Variants in CCT6B observed in about 807,000 individuals in gnomAD.
The protein encoded by CCT6B is probable T-complex protein 1 subunit zeta-2.
Under a neutral mutation model 61.5 loss-of-function variants are expected in CCT6B, and 49 were observed. The ratio of observed to expected loss-of-function variants is 0.80; its 90% CI spans 0.63 to 1.01. The LOEUF is 1.01. CCT6B is among the 50% of genes least tolerant of loss of function. CCT6B has a pLI of 0.00. For synonymous variants in CCT6B, 228 were observed against 214.5 expected (o/e 1.06, Z -0.55); for missense variants, 666 against 634.7 (o/e 1.05, Z -0.53).
intron 3 of CCT6B, 81 bp from the exon 4 acceptor site, chr17:34,954,680 CAA>C: frequency 8.6e-7 from 1 of 1,163,754 alleles, no homozygotes; most frequent in Admixed American, 2.9e-5. Context: ...TTATTATGTT[CAA>C]AAAAAGTTAC....
intron 7 of CCT6B, among the ~76,000 whole-genome samples, chr17:34,941,776 T>C (rs780472555): frequency 9.2e-5 from 14 of 152,262 alleles, no homozygotes; most frequent in Non-Finnish European, 1.9e-4. Context: ...TAGAAGAGCT[T>C]TGAAGTTCCC....
chr17:34,938,251 G>A (rs2090116941), intron 10 of CCT6B, among the ~76,000 whole-genome samples: 1 of 152,004 alleles, frequency 6.6e-6, no homozygotes, highest in African/African-American at 2.4e-5. Flanking sequence ...ATATACAAAG[G>A]GCAAATAAAC....
rs778673984 is a variant in CCT6B at position 34,958,580 on chromosome 17, CTTGTT to C, written c.311_315del (p.Lys104SerfsTer2). 1.3e-6 allele frequency: 2 copies of C among 1,573,050 alleles called. No homozygotes were observed. Among genetic ancestry groups the C allele is most frequent in the Admixed American group, 3.6e-5 (2 of 55,868 alleles). On this transcript the variant is annotated frameshift_variant, in exon 3 of 14. Transcript: ENST00000314144. LOFTEE classifies it high-confidence loss of function. ...AATACCTCAGAAATGTACAGGTCAG[CTTGTT>C]TTAATAACTCTCCAATAATTAGAAC...
intron 4 of CCT6B, among the ~76,000 whole-genome samples, chr17:34,952,593 C>T (rs2090303988): frequency 6.6e-6 from 1 of 152,084 alleles, no homozygotes; most frequent in Non-Finnish European, 1.5e-5. Context: ...TAATGTTTTC[C>T]CCCAAAATTG....
At chr17:34,960,620 TTC>T (rs1188375577) in intron 1 of CCT6B, among the ~76,000 whole-genome samples, 1 of 152,208 alleles carries the variant, frequency 6.6e-6, no homozygotes, top group Non-Finnish European at 1.5e-5. Context: ...TCTTGATCAT[TTC>T]TGTGTCCCAA....
intron 1 of CCT6B, among the ~76,000 whole-genome samples, chr17:34,960,995 C>G (rs1435888057): frequency 2.6e-5 from 4 of 152,234 alleles, no homozygotes; most frequent in Non-Finnish European, 4.4e-5. Context: ...ACTAAATTAA[C>G]TGACTTTCTA....
At chr17:34,936,609 T>C (rs997021060) in intron 10 of CCT6B, among the ~76,000 whole-genome samples, 2 of 152,160 alleles carry the variant, frequency 1.3e-5, no homozygotes, top group East Asian at 1.9e-4. Context: ...AAAAATAAAA[T>C]ATATTTCTAT....
chr17:34,929,488 TTTC>T (rs949595166), intron 12 of CCT6B, among the ~76,000 whole-genome samples: 16 of 115,226 alleles, frequency 1.4e-4, no homozygotes, highest in African/African-American at 5.3e-4. Flanking sequence ...TTTTGTTTTC[TTTC>T]TTTTTTTTTT....
intron 13 of CCT6B, 77 bp downstream of exon 13, chr17:34,928,885 A>ATT (rs2089999841): frequency 1.1e-6 from 1 of 872,114 alleles, no homozygotes; most frequent in Non-Finnish European, 1.8e-6. Flanking sequence ...AGGGACAAAA[A>ATT]TAATAGAAAA....
chr17:34,946,609 T>C (rs2090226937), intron 5 of CCT6B, among the ~76,000 whole-genome samples: 1 of 152,168 alleles, frequency 6.6e-6, no homozygotes, highest in East Asian at 1.9e-4. Flanking sequence ...AATATTACAA[T>C]GTTTATAGCA....
intron 10 of CCT6B, 141 bp from the exon 11 acceptor site, chr17:34,932,641 GTTATC>G: frequency 1.5e-6 from 1 of 665,090 alleles, no homozygotes; most frequent in Non-Finnish European, 2.4e-6. Flanking sequence ...TAATTACTCA[GTTATC>G]TTATGAAACA....
chr17:34,928,029 T>C lies in CCT6B; in HGVS notation c.*19A>G. On this transcript the variant is annotated 3_prime_UTR_variant, in exon 14 of 14. Coordinates refer to ENST00000314144, the MANE Select transcript of CCT6B (RefSeq NM_006584.4). ...TACTAAATTTCATCTTCTAGAAGGG[T>C]TGATTTTGAATTCAATCATCATTTG... The C allele has an allele frequency of 1.3e-6, 2 of 1,584,872 alleles. No individual in the cohort carries two copies. The highest frequency in any genetic ancestry group is 1.7e-6 in the Non-Finnish European group (2 of 1,156,988).
intron 12 of CCT6B, 107 bp downstream of exon 12, chr17:34,930,842 A>G (rs1385409012): frequency 6.8e-6 from 3 of 441,498 alleles, no homozygotes; most frequent in Non-Finnish European, 1.2e-5. Flanking sequence ...AAGGCATCCA[A>G]AATTTAAATA....
rs558833037 is a variant in CCT6B at position 34,939,116 on chromosome 17, T to C, written c.1213+67A>G. The C allele has an allele frequency of 4.1e-5, 51 of 1,256,560 alleles. No individual in the cohort carries two copies. In the African/African-American group the frequency reaches 7.3e-4, roughly 18 times the overall value. 77.8% of individuals were successfully genotyped at this position (1,256,560 alleles called of 1,614,324 possible). A position where few individuals can be genotyped will look rare whatever the true frequency, so the allele number is the denominator to read the frequency against. ...ACATATATACATACATAGGTGTGTG[T>C]GTATATATATATACATATATACACA... On this transcript the variant is annotated intron_variant, in intron 10 of 13. Coordinates refer to ENST00000314144, the MANE Select transcript of CCT6B (RefSeq NM_006584.4).
At chr17:34,931,509 G>C (rs960855875) in intron 11 of CCT6B, among the ~76,000 whole-genome samples, 1 of 152,026 alleles carries the variant, frequency 6.6e-6, no homozygotes, top group African/African-American at 2.4e-5. Context: ...CACGACCTGT[G>C]GTAACAGGGT....
chr17:34,931,621 C>T (rs938943587), intron 11 of CCT6B, among the ~76,000 whole-genome samples: 7 of 152,224 alleles, frequency 4.6e-5, no homozygotes, highest in African/African-American at 1.2e-4. Flanking sequence ...CTGGGGTTAC[C>T]AATTTCTGTC....
At chr17:34,929,443 C>T (rs540536064) in intron 12 of CCT6B, among the ~76,000 whole-genome samples, 17 of 151,278 alleles carry the variant, frequency 1.1e-4, no homozygotes, top group Non-Finnish European at 1.9e-4. Context: ...CCATACACAT[C>T]TGATGACTCT....
intron 3 of CCT6B, among the ~76,000 whole-genome samples, chr17:34,955,473 C>G (rs1470992478): frequency 6.6e-6 from 1 of 151,962 alleles, no homozygotes; most frequent in Non-Finnish European, 1.5e-5. Flanking sequence ...TACACTGATA[C>G]TAAGGAAGAG....
intron 5 of CCT6B, among the ~76,000 whole-genome samples, chr17:34,951,312 G>A (rs1160023758): frequency 1.0e-5 from 1 of 97,104 alleles, no homozygotes; most frequent in Non-Finnish European, 2.4e-5. Context: ...GATATTTACA[G>A]GTGGTATATG....
Sources: allele counts gnomAD v4.1 joint callset (sites outside exome capture counted in the v4.1 genomes callset), GRCh38; gene constraint gnomAD v4.1.1; transcripts MANE v1.5; gene names NCBI Gene and HGNC (gene_info 2026-07-23, HGNC 2026-07-21).